PRMT8: variants seen among roughly 807,000 people sequenced by gnomAD.
The protein encoded by PRMT8 is protein arginine N-methyltransferase 8.
In PRMT8, 7 loss-of-function variants were observed where a neutral mutation model predicts 47.1. The observed-to-expected ratio is 0.15, with a 90% confidence interval of 0.08 to 0.28. The LOEUF is 0.28. Among genes scored for constraint, PRMT8 ranks in the 10% least tolerant of loss-of-function variants. The probability of loss-of-function intolerance (pLI) is 1.00; values close to 1 mark genes in which losing one functional copy is unlikely to be tolerated. For synonymous variants in PRMT8, 188 were observed against 186.5 expected, an observed-to-expected ratio of 1.01 and a Z score of -0.07; for missense variants, 237 against 505.4, an observed-to-expected ratio of 0.47 and a Z score of 5.09.
chr12:3,444,240 T>C (rs533566857), intron 1 of PRMT8, among the ~76,000 whole-genome samples: 1 of 152,306 alleles, frequency 6.6e-6, no homozygotes, highest in Admixed American at 6.5e-5. Context: ...TCGTCCCAGA[T>C]GCTTAGTAAA....
At chr12:3,435,721 C>A (rs1211041652) in intron 1 of PRMT8, among the ~76,000 whole-genome samples, 1 of 151,920 alleles carries the variant, frequency 6.6e-6, no homozygotes, top group Non-Finnish European at 1.5e-5. Flanking sequence ...AGGGTTTCAC[C>A]ATCTTAGCCA....
intron 1 of PRMT8, among the ~76,000 whole-genome samples, chr12:3,536,538 G>A (rs762605930): frequency 6.6e-6 from 1 of 152,310 alleles, no homozygotes; most frequent in African/African-American, 2.4e-5. Flanking sequence ...CAATGCCCAG[G>A]CCAGCTAGGA....
At chr12:3,418,972 G>C (rs1487637787) in intron 1 of PRMT8, among the ~76,000 whole-genome samples, 2 of 152,226 alleles carry the variant, frequency 1.3e-5, no homozygotes, top group Non-Finnish European at 2.9e-5. Flanking sequence ...TAAATGTATA[G>C]AATGTGATGA....
At chr12:3,383,323 TC>T (rs1255926929) in intron 1 of PRMT8, among the ~76,000 whole-genome samples, 1 of 152,262 alleles carries the variant, frequency 6.6e-6, no homozygotes, top group Non-Finnish European at 1.5e-5. Flanking sequence ...TTATCATCTT[TC>T]CTCTGTTGAG....
chr12:3,559,065 C>A (rs550691027), intron 4 of PRMT8, among the ~76,000 whole-genome samples: 1 of 152,094 alleles, frequency 6.6e-6, no homozygotes, highest in Non-Finnish European at 1.5e-5. Flanking sequence ...AGCCAGCCAG[C>A]CAGACAGCCA....
intron 1 of PRMT8, among the ~76,000 whole-genome samples, chr12:3,454,780 A>G (rs1864956428): frequency 6.6e-6 from 1 of 152,114 alleles, no homozygotes; most frequent in South Asian, 2.1e-4. Flanking sequence ...TTTGCTGCCT[A>G]TTGACCTAGA....
rs1042479320 is a variant in PRMT8 at position 3,550,809 on chromosome 12, C to G, written c.417+718C>G. On this transcript the variant is annotated intron_variant, in intron 3 of 9. Coordinates refer to ENST00000382622, the MANE Select transcript of PRMT8 (RefSeq NM_019854.5). This position sits in a 1 kb window ranked among gnomAD's most constrained non-coding sequence, Gnocchi z 5.1. ...CTCTCCCAAGGCAGCTTTGCCCAGCCTGATGACAGAGGGCCTGGGAAGGTC... is the reference window on the plus strand; with the variant it reads ...CTCTCCCAAGGCAGCTTTGCCCAGCGTGATGACAGAGGGCCTGGGAAGGTC... The G allele has an allele frequency of 6.6e-6, 1 of 152,234 alleles. No individual in the cohort carries two copies. Among genetic ancestry groups the G allele is most frequent in the African/African-American group, 2.4e-5 (1 of 41,438 alleles). 9.4% of individuals were successfully genotyped at this position (152,234 alleles called of 1,614,324 possible). A position where few individuals can be genotyped will look rare whatever the true frequency, so the allele number is the denominator to read the frequency against.
In PRMT8 at chr12:3,416,413, GTCT is replaced by G. The variant is rs1864484372; in HGVS notation, c.48+34976_48+34978del. Among the ~76,000 whole-genome samples the G allele has an allele frequency of 9.2e-5, 14 of 152,340 alleles. No individual in the cohort carries two copies. The South Asian group carries it at 2.9e-3, about 32-fold the overall frequency. ...TTGCATTTTTCTTTGGCTGGTGTCA[GTCT>G]TCTTGCAGAGATGCTAAGGTCTGGA... On this transcript the variant is annotated intron_variant, in intron 1 of 9. Transcript: ENST00000452611.
intron 6 of PRMT8, among the ~76,000 whole-genome samples, chr12:3,574,782 C>T (rs966296084): frequency 6.6e-6 from 1 of 152,228 alleles, no homozygotes; most frequent in African/African-American, 2.4e-5. Context: ...CAGATTTGAA[C>T]TCCAAAGCCT....
At chr12:3,545,321 A>G (rs186074773) in intron 2 of PRMT8, among the ~76,000 whole-genome samples, 2 of 152,330 alleles carry the variant, frequency 1.3e-5, no homozygotes, top group Admixed American at 6.5e-5. Context: ...CGGCTTACTG[A>G]GCACCTGCTA....
chr12:3,521,837 C>A (rs1865885043), intron 1 of PRMT8, among the ~76,000 whole-genome samples: 1 of 152,172 alleles, frequency 6.6e-6, no homozygotes, highest in African/African-American at 2.4e-5. Flanking sequence ...CTCCCAACTG[C>A]CACTGCCCTG....
chr12:3,440,917 C>A (rs1208806514), intron 1 of PRMT8, among the ~76,000 whole-genome samples: 2 of 152,170 alleles, frequency 1.3e-5, no homozygotes, highest in African/African-American at 2.4e-5. Flanking sequence ...CTTAAACCCC[C>A]CAATTCTCTA....
At chr12:3,489,807 TCACACACACACACA>T (rs59257723), upstream of PRMT8, among the ~76,000 whole-genome samples, 5 of 144,090 alleles carry the variant, frequency 3.5e-5, no homozygotes, top group Non-Finnish European at 7.6e-5. Context: ...ATTCAAGTTT[TCACACACACACACA>T]CACACACACA....
chr12:3,544,179 G>A (rs1159167500), intron 2 of PRMT8, among the ~76,000 whole-genome samples: 2 of 152,246 alleles, frequency 1.3e-5, no homozygotes, highest in East Asian at 1.9e-4. Flanking sequence ...GTTTTCCACA[G>A]GGTGGCATGT....
chr12:3,555,576 C>T (rs1157310733), intron 4 of PRMT8, among the ~76,000 whole-genome samples: 1 of 152,158 alleles, frequency 6.6e-6, no homozygotes, highest in African/African-American at 2.4e-5. Flanking sequence ...CCAGGTGCTG[C>T]AGTCTGTTGG....
chr12:3,490,797 C>T (rs925376665), upstream of PRMT8, among the ~76,000 whole-genome samples: 5 of 152,022 alleles, frequency 3.3e-5, no homozygotes, highest in African/African-American at 1.2e-4. Flanking sequence ...GACACCCACC[C>T]CTTCGTTCCC....
intron 1 of PRMT8, among the ~76,000 whole-genome samples, chr12:3,530,781 A>T (rs1321810095): frequency 2.6e-5 from 4 of 152,210 alleles, no homozygotes; most frequent in Non-Finnish European, 5.9e-5. Context: ...GCACCCTGGC[A>T]CAGAGTCATA....
rs542373593 is a variant in PRMT8, at chr12:3,569,368, G to C, written c.625-109G>C. ...CAAGGTGACAGTCCACTGCATGAGA[G>C]ATGGTGGCAAGGGGGTGCTTGTCTG... On this transcript the variant is annotated intron_variant, in intron 5 of 9. Transcript: ENST00000382622. This position sits in a 1 kb window ranked among gnomAD's most constrained non-coding sequence, Gnocchi z 8.2. The C allele has an allele frequency of 1.1e-6, 1 of 893,948 alleles. No individual in the cohort carries two copies. Among genetic ancestry groups the C allele is most frequent in the South Asian group, 1.4e-5 (1 of 73,962 alleles). The allele number at this position is 893,948 out of a possible 1,614,324, so 55.4% of individuals were successfully genotyped here. A position where few individuals can be genotyped will look rare whatever the true frequency, so the allele number is the denominator to read the frequency against.
chr12:3,568,631 G>A, intron 4 of PRMT8, 75 bp from the exon 5 acceptor site: 1 of 1,549,820 alleles, frequency 6.5e-7, no homozygotes, highest in Non-Finnish European at 8.9e-7. Flanking sequence ...CTGGAGATCT[G>A]GCCCTGAAGT....
Sources: allele counts gnomAD v4.1 joint callset (sites outside exome capture counted in the v4.1 genomes callset), GRCh38; gene constraint gnomAD v4.1.1; non-coding constraint Gnocchi (gnomAD v3.1); transcripts MANE v1.5; gene names NCBI Gene and HGNC (gene_info 2026-07-23, HGNC 2026-07-21).